The following FBN1 variants were observed in gnomAD, a reference collection of about 807,000 sequenced individuals.
FBN1 encodes the protein fibrillin-1.
A neutral mutation model predicts 365.1 loss-of-function variants in FBN1; 29 were observed. The observed-to-expected ratio is 0.08, with a 90% CI of 0.06 to 0.11. The LOEUF (loss-of-function observed/expected upper bound fraction) is 0.11. Among genes scored for constraint, FBN1 ranks in the 10% least tolerant of loss-of-function variants. The pLI is 1.00. For synonymous variants in FBN1, 1,210 were observed against 1,270.5 expected (o/e 0.95, Z 1.01); for missense variants, 2,476 against 3,703.2 (o/e 0.67, Z 8.60).
At chr15:48,412,954 C>T (rs1237177254) in intron 64 of FBN1, among the ~76,000 whole-genome samples, 1 of 152,216 alleles carries the variant, frequency 6.6e-6, no homozygotes, top group African/African-American at 2.4e-5. Context: ...CCTTCTACTG[C>T]CTATCAAGAC....
At chr15:48,416,282 A>G (rs1373098815) in intron 63 of FBN1, among the ~76,000 whole-genome samples, 1 of 152,190 alleles carries the variant, frequency 6.6e-6, no homozygotes, top group Non-Finnish European at 1.5e-5. Flanking sequence ...AGCCTATTTC[A>G]GGATATGCTG....
chr15:48,501,807 T>C (rs1377454153), intron 17 of FBN1, among the ~76,000 whole-genome samples: 3 of 152,188 alleles, frequency 2.0e-5, no homozygotes, highest in Non-Finnish European at 4.4e-5. Context: ...TAAAGTACTT[T>C]GAAAAGTTAA....
At chr15:48,575,047 A>C (rs2044334763) in intron 6 of FBN1, among the ~76,000 whole-genome samples, 1 of 152,252 alleles carries the variant, frequency 6.6e-6, no homozygotes, top group African/African-American at 2.4e-5. Flanking sequence ...TCCAGAAGGG[A>C]ACATTTGCAG....
At chr15:48,498,913 G>C in intron 18 of FBN1, 72 bp downstream of exon 18, 1 of 1,431,186 alleles carries the variant, frequency 7.0e-7, no homozygotes, top group Non-Finnish European at 9.9e-7. Flanking sequence ...GGGATCAACT[G>C]GAAACCCACA....
intron 8 of FBN1, among the ~76,000 whole-genome samples, chr15:48,526,959 C>A (rs1169907233): frequency 1.3e-5 from 2 of 152,210 alleles, no homozygotes; most frequent in Non-Finnish European, 2.9e-5. Flanking sequence ...AGGTCACACC[C>A]TTCCCAGGCA....
chr15:48,634,422 T>C (rs1205034962), intron 2 of FBN1, among the ~76,000 whole-genome samples: 1 of 152,154 alleles, frequency 6.6e-6, no homozygotes, highest in East Asian at 1.9e-4. Flanking sequence ...CTGGTCCCAA[T>C]GCTGCCGGGA....
chr15:48,538,042 G>T (rs1597593966), intron 6 of FBN1, among the ~76,000 whole-genome samples: 1 of 152,154 alleles, frequency 6.6e-6, no homozygotes, highest in Non-Finnish European at 1.5e-5. Flanking sequence ...TTTGAAAACG[G>T]CATTGTGAGG....
chr15:48,642,292 T>G (rs1438958017), intron 2 of FBN1: 1 of 152,082 alleles, frequency 6.6e-6, no homozygotes, highest in Non-Finnish European at 1.5e-5. Context: ...GGCAGGAGAA[T>G]CGCTTGAGCC....
rs1389741787 is a variant in FBN1, at chr15:48,600,150, T to C, written c.431A>G (p.His144Arg). The C allele has an allele frequency of 6.2e-7, 1 of 1,611,228 alleles. No individual in the cohort carries two copies. Among genetic ancestry groups the C allele is most frequent in the African/African-American group, 1.3e-5 (1 of 74,880 alleles). Residue 144 changes from histidine (H) to arginine (R), a missense_variant, in exon 5 of 66, where the codon CAC becomes CGC. This residue lies in a region of FBN1 where 421 missense variants were observed against 520.1 expected (regional missense o/e 0.81). Transcript: ENST00000316623. Reference protein sequence around the residue: ...CLCQKGYIGTHCGQPVCESGC... With the variant: ...CLCQKGYIGTRCGQPVCESGC... ...TACAGTGTACTTACGTTGTCCACAG[T>C]GAGTCCCTATGTATCCTTTCTGGCA...
At chr15:48,459,307 T>C (rs2043264334) in intron 43 of FBN1, among the ~76,000 whole-genome samples, 1 of 152,216 alleles carries the variant, frequency 6.6e-6, no homozygotes, top group Admixed American at 6.5e-5. Context: ...GGGCCAGGTG[T>C]TCCATGCCAA....
intron 6 of FBN1, among the ~76,000 whole-genome samples, chr15:48,560,189 C>T (rs965472062): frequency 1.3e-5 from 2 of 152,070 alleles, no homozygotes; most frequent in African/African-American, 2.4e-5. Context: ...AGAAGACGAG[C>T]CAGGCATGAG....
intron 2 of FBN1, among the ~76,000 whole-genome samples, chr15:48,635,068 T>C (rs1433605476): frequency 6.6e-6 from 1 of 152,172 alleles, no homozygotes; most frequent in Admixed American, 6.5e-5. Context: ...TATTTGGACT[T>C]AGATGTGTTT....
In FBN1 at chr15:48,446,802, C is replaced by A; in HGVS notation, c.5692G>T (p.Asp1898Tyr). 2.5e-6 allele frequency: 4 copies of A among 1,609,982 alleles called. No individual in the cohort carries two copies. The highest frequency in any genetic ancestry group is 3.4e-6 in the Non-Finnish European group (4 of 1,176,356). The change falls in exon 47 of 66, where the codon GAT becomes TAT. Residue 1898 changes from aspartate to tyrosine, a missense_variant. Physicochemically the swap from Asp to Tyr is radical, Grantham distance 160. Transcript: ENST00000316623. ...CGGCAAGTTCCATTCCCACAGGCATCTCTTTCACATTCATTTATGTCTAGT... is the reference window on the plus strand; with the variant it reads ...CGGCAAGTTCCATTCCCACAGGCATATCTTTCACATTCATTTATGTCTAGT... Reference protein sequence around the residue: ...MCLDINECERDACGNGTCRNT... With the variant: ...MCLDINECERYACGNGTCRNT...
At chr15:48,576,515 A>C (rs2044349069) in intron 6 of FBN1, among the ~76,000 whole-genome samples, 2 of 152,100 alleles carry the variant, frequency 1.3e-5, no homozygotes, top group Admixed American at 1.3e-4. Context: ...ACCTTGTTTT[A>C]TTGGTCTTTG....
chr15:48,466,889 A>T (rs749184447), intron 38 of FBN1, among the ~76,000 whole-genome samples: 1 of 151,932 alleles, frequency 6.6e-6, no homozygotes, highest in Admixed American at 6.6e-5. Flanking sequence ...TGAAGGCTCA[A>T]TTAAAAAACA....
chr15:48,618,695 G>C (rs992801075), intron 2 of FBN1, among the ~76,000 whole-genome samples: 4 of 152,166 alleles, frequency 2.6e-5, no homozygotes, highest in African/African-American at 9.7e-5. Context: ...CACACAGCAG[G>C]GGGTAAGTGG....
At chr15:48,568,082 A>AAGAAAGAAAGAC (rs1338716479) in intron 6 of FBN1, among the ~76,000 whole-genome samples, 6 of 149,894 alleles carry the variant, frequency 4.0e-5, no homozygotes. Flanking sequence ...GAAAGAAAGA[A>AAGAAAGAAAGAC]AGACTATCTT....
At chr15:48,631,109 G>A (rs1191624365) in intron 2 of FBN1, among the ~76,000 whole-genome samples, 5 of 152,118 alleles carry the variant, frequency 3.3e-5, no homozygotes, top group Non-Finnish European at 7.4e-5. Context: ...TCTCACGGAT[G>A]TTCAATAGTT....
At chr15:48,516,468 G>C in intron 10 of FBN1, 106 bp from the exon 11 acceptor site, 1 of 1,214,606 alleles carries the variant, frequency 8.2e-7, no homozygotes, top group Admixed American at 2.0e-5. Flanking sequence ...GAATAAAATT[G>C]ATCCTCAAAA....
Sources: allele counts gnomAD v4.1 joint callset (sites outside exome capture counted in the v4.1 genomes callset), GRCh38; gene constraint gnomAD v4.1.1; regional missense constraint gnomAD v4.1.1; transcripts MANE v1.5; gene names NCBI Gene and HGNC (gene_info 2026-07-23, HGNC 2026-07-21).